The following NBEA variants were observed in gnomAD, a reference collection of about 807,000 sequenced individuals.
NBEA encodes lysosomal-trafficking regulator 2.
NBEA carries 44 observed loss-of-function variants against 343.4 expected under a neutral mutation model. That is an observed-to-expected ratio of 0.13 (90% CI 0.10 to 0.16). NBEA has a LOEUF of 0.16. NBEA is among the 10% of genes least tolerant of loss of function. The pLI is 1.00. For synonymous variants in NBEA, 1,175 were observed against 1,238.7 expected, an observed-to-expected ratio of 0.95 and a Z score of 1.08; for missense variants, 2,555 against 3,631.3, an observed-to-expected ratio of 0.70 and a Z score of 7.62.
intron 17 of NBEA, among the ~76,000 whole-genome samples, chr13:35,134,696 ATAAAG>A (rs2067623821): frequency 6.6e-6 from 1 of 152,060 alleles, no homozygotes; most frequent in Admixed American, 6.5e-5. Context: ...TTAAAGTACA[ATAAAG>A]TAAAGTAGGA....
intron 44 of NBEA, among the ~76,000 whole-genome samples, chr13:35,565,379 C>CT (rs1014089227): frequency 6.6e-5 from 10 of 151,396 alleles, no homozygotes; most frequent in South Asian, 2.1e-4. Flanking sequence ...GATTGTAGTT[C>CT]TTTTTTTTTC....
chr13:34,957,202 C>T (rs907426143), intron 1 of NBEA, among the ~76,000 whole-genome samples: 3 of 151,966 alleles, frequency 2.0e-5, no homozygotes, highest in African/African-American at 7.3e-5. Flanking sequence ...TATCTTGAAA[C>T]TTCTATGTAT....
At chr13:35,128,238 TAAAAA>T (rs562000555) in intron 17 of NBEA, among the ~76,000 whole-genome samples, 1 of 132,686 alleles carries the variant, frequency 7.5e-6, no homozygotes, top group Non-Finnish European at 1.6e-5. Flanking sequence ...AGTATAATAA[TAAAAA>T]AAAAAAGCAG....
intron 17 of NBEA, among the ~76,000 whole-genome samples, 161 bp downstream of exon 17, chr13:35,123,735 A>G (rs2066922421): frequency 6.6e-6 from 1 of 152,128 alleles, no homozygotes; most frequent in Non-Finnish European, 1.5e-5. Context: ...TATAAAATAT[A>G]TTTTATTAAT....
chr13:35,341,616 C>T (rs2039587617), intron 36 of NBEA, among the ~76,000 whole-genome samples: 1 of 151,970 alleles, frequency 6.6e-6, no homozygotes, highest in Admixed American at 6.6e-5. Flanking sequence ...AGAAGACATA[C>T]AGGTGGCCAA....
At chr13:35,429,093 C>G (rs1377567748) in intron 38 of NBEA, among the ~76,000 whole-genome samples, 2 of 152,146 alleles carry the variant, frequency 1.3e-5, no homozygotes, top group Non-Finnish European at 2.9e-5. Context: ...GACACTTCCC[C>G]AGTGGGGAGG....
At chr13:35,209,796 A>G (rs1178875521) in intron 32 of NBEA, among the ~76,000 whole-genome samples, 1 of 152,056 alleles carries the variant, frequency 6.6e-6, no homozygotes, top group Non-Finnish European at 1.5e-5. Flanking sequence ...TGAACAACAC[A>G]TTTATGGGGT....
At chr13:35,502,599 G>A (rs1464756355) in intron 41 of NBEA, among the ~76,000 whole-genome samples, 6 of 151,798 alleles carry the variant, frequency 4.0e-5, no homozygotes, top group Non-Finnish European at 7.4e-5. Context: ...AATGAACAGT[G>A]TGCTGGGACC....
chr13:35,232,347 G>T, intron 33 of NBEA, 145 bp from the exon 34 acceptor site: 1 of 587,874 alleles, frequency 1.7e-6, no homozygotes. Context: ...ACTGTACAGG[G>T]TATCCCTTAT....
At chr13:35,642,005 AAG>A (rs1198848578) in intron 49 of NBEA, among the ~76,000 whole-genome samples, 1 of 152,224 alleles carries the variant, frequency 6.6e-6, no homozygotes, top group African/African-American at 2.4e-5. Context: ...AACATTAAGA[AAG>A]AATATTATTT....
At chr13:34,995,776 A>G (rs2060919676) in intron 1 of NBEA, among the ~76,000 whole-genome samples, 1 of 152,242 alleles carries the variant, frequency 6.6e-6, no homozygotes, top group African/African-American at 2.4e-5. Flanking sequence ...ACTTCATATT[A>G]GTTTGGTCTG....
chr13:34,972,674 C>T (rs889220212), intron 1 of NBEA, among the ~76,000 whole-genome samples: 32 of 152,170 alleles, frequency 2.1e-4, no homozygotes, highest in African/African-American at 4.1e-4. Context: ...AATTTGATTG[C>T]GCTGTGGTCT....
chr13:35,412,301 G>T (rs2043636046), intron 38 of NBEA, among the ~76,000 whole-genome samples: 1 of 152,070 alleles, frequency 6.6e-6, no homozygotes, highest in South Asian at 2.1e-4. Flanking sequence ...CTAAAAGGGC[G>T]CTGACCTTTC....
chr13:35,087,990 A>G (rs1416452196), intron 10 of NBEA, among the ~76,000 whole-genome samples: 1 of 151,898 alleles, frequency 6.6e-6, no homozygotes, highest in South Asian at 2.1e-4. Context: ...GTAATGTAAC[A>G]CAGGGAAGAA....
intron 41 of NBEA, among the ~76,000 whole-genome samples, chr13:35,481,702 ATAT>A (rs978051018): frequency 1.3e-5 from 2 of 151,866 alleles, no homozygotes; most frequent in African/African-American, 2.4e-5. Flanking sequence ...TTTTCTTGTG[ATAT>A]TATAGAAATA....
intron 35 of NBEA, among the ~76,000 whole-genome samples, chr13:35,294,521 A>G (rs2035993670): frequency 6.6e-6 from 1 of 152,106 alleles, no homozygotes; most frequent in African/African-American, 2.4e-5. Flanking sequence ...TTGTCTTTGG[A>G]AATATCATGA....
chr13:35,131,473 A>C (rs1272390118), intron 17 of NBEA, among the ~76,000 whole-genome samples: 1 of 152,190 alleles, frequency 6.6e-6, no homozygotes, highest in African/African-American at 2.4e-5. Context: ...GTGTGCAAAA[A>C]ATTTTCATAA....
intron 55 of NBEA, among the ~76,000 whole-genome samples, chr13:35,660,503 G>C (rs1451130105): frequency 7.9e-5 from 12 of 152,142 alleles, no homozygotes. Flanking sequence ...TCGTGTACGG[G>C]CATTATGCAG....
intron 11 of NBEA, among the ~76,000 whole-genome samples, chr13:35,105,182 G>T (rs1270291082): frequency 6.6e-6 from 1 of 151,862 alleles, no homozygotes; most frequent in Admixed American, 6.6e-5. Flanking sequence ...GTACTGAAGG[G>T]GTAAAATCTG....
Sources: allele counts gnomAD v4.1 joint callset (sites outside exome capture counted in the v4.1 genomes callset), GRCh38; gene constraint gnomAD v4.1.1; transcripts MANE v1.5; gene names NCBI Gene and HGNC (gene_info 2026-07-23, HGNC 2026-07-21).